RDX: variants seen among roughly 807,000 people sequenced by gnomAD.
The protein encoded by RDX is deafness, autosomal recessive 24.
RDX carries 32 observed loss-of-function variants against 83.7 expected under a neutral mutation model. That is an observed-to-expected ratio of 0.38 (90% CI 0.29 to 0.51). RDX has a LOEUF of 0.51. Ranked by LOEUF, RDX falls within the 20% of genes least tolerant of loss-of-function variation. RDX has a pLI of 0.87. For missense variants in RDX, 600 were observed against 689.9 expected (o/e 0.87, Z 1.46); for synonymous variants, 229 against 222.7 (o/e 1.03, Z -0.25).
intron 15 of RDX, chr11:110,185,274 G>C (rs571621217): frequency 9.2e-5 from 14 of 152,334 alleles, no homozygotes; most frequent in African/African-American, 3.1e-4. Flanking sequence ...TGGGCTAGAA[G>C]AGGATATTGA....
At chr11:110,282,009 T>G (rs1361674441) in intron 1 of RDX, among the ~76,000 whole-genome samples, 1 of 150,464 alleles carries the variant, frequency 6.6e-6, no homozygotes, top group Non-Finnish European at 1.5e-5. Flanking sequence ...AAGGAATGCT[T>G]GAGCCTGGGA....
At chr11:110,194,933 C>G (rs748807000) in intron 15 of RDX, among the ~76,000 whole-genome samples, 3 of 152,118 alleles carry the variant, frequency 2.0e-5, no homozygotes, top group Non-Finnish European at 4.4e-5. Flanking sequence ...AATCACAGCA[C>G]AACATGCTCT....
chr11:110,233,101 T>C (rs1864704528), intron 13 of RDX, 136 bp downstream of exon 13: 3 of 1,032,906 alleles, frequency 2.9e-6, no homozygotes, highest in African/African-American at 1.6e-5. Context: ...AACATGACTA[T>C]AGGCCAAACA....
chr11:110,285,152 G>A (rs1425645104), intron 1 of RDX, among the ~76,000 whole-genome samples: 2 of 152,020 alleles, frequency 1.3e-5, no homozygotes, highest in African/African-American at 2.4e-5. Flanking sequence ...ACTTTGGGAG[G>A]CCGAGGCAGG....
chr11:110,255,481 GT>G, intron 7 of RDX, 96 bp from the exon 8 acceptor site: 3 of 707,576 alleles, frequency 4.2e-6, no homozygotes, highest in Non-Finnish European at 7.7e-6. Flanking sequence ...AATCTTAAGA[GT>G]TCCAGATTTT....
chr11:110,228,728 A>G (rs1864512849), downstream of RDX, among the ~76,000 whole-genome samples: 1 of 151,714 alleles, frequency 6.6e-6, no homozygotes, highest in Non-Finnish European at 1.5e-5. Flanking sequence ...AATAATATTG[A>G]AACACTTCTA....
At chr11:110,202,252 G>A (rs1435814661) in intron 14 of RDX, among the ~76,000 whole-genome samples, 4 of 151,804 alleles carry the variant, frequency 2.6e-5, no homozygotes, top group East Asian at 2.0e-4. Context: ...AAAATTACCC[G>A]AGCGTGGTGG....
At position 110,246,749 on chromosome 11, in the gene RDX, C is replaced by CAA. The variant is rs58535261; in HGVS notation, c.1090+952_1090+953dup. Among the ~76,000 whole-genome samples, 805 of 139,580 alleles carry CAA rather than the reference C, an allele frequency of 5.8e-3. 12 individuals are homozygous for CAA. The highest frequency in any genetic ancestry group is 5.4e-3 in the Non-Finnish European group (351 of 64,540). 91.6% of individuals were successfully genotyped at this position (139,580 alleles called of 152,430 possible). ...CAGATGACAAAGTAAGACTGTGTCT[C>CAA]AAAAAAAAAAAAAAAGCTCCGATTT... is the stretch of plus-strand genomic sequence containing the variant. On this transcript the variant is annotated intron_variant, in intron 10 of 13. Coordinates refer to ENST00000645495, the MANE Select transcript of RDX (RefSeq NM_002906.4).
intron 1 of RDX, among the ~76,000 whole-genome samples, chr11:110,295,864 T>TGGCGGGTGCGAGC (rs1555051213): frequency 2.0e-5 from 3 of 152,200 alleles, no homozygotes; most frequent in African/African-American, 7.2e-5. Flanking sequence ...GGCCCTGGCC[T>TGGCGGGTGCGAGC]GGCGGGTGCG....
At chr11:110,184,692 G>A (rs181298261) in intron 15 of RDX, among the ~76,000 whole-genome samples, 455 of 152,320 alleles carry the variant, frequency 3.0e-3, no homozygotes, top group Non-Finnish European at 5.1e-3. Flanking sequence ...GGGAGGCGGG[G>A]TGTGCAGCGG....
chr11:110,230,269 G>A lies in RDX; in HGVS notation c.*1600C>T, dbSNP rs1864571512. ...TAGCTGAACCACACAGAGAAAACAA[G>A]GCTTTACGTATCTCCAAATTTAGCT... On this transcript the variant is annotated 3_prime_UTR_variant, in exon 14 of 14. Transcript: ENST00000645495. 6.6e-6 allele frequency: 1 copy of A among 151,868 alleles called. No homozygotes were observed. The highest frequency in any genetic ancestry group is 1.5e-5 in the Non-Finnish European group (1 of 67,944). The allele number at this position is 151,868 out of a possible 1,614,324, so 9.4% of individuals were successfully genotyped here. A position where few individuals can be genotyped will look rare whatever the true frequency, so the allele number is the denominator to read the frequency against.
intron 14 of RDX, among the ~76,000 whole-genome samples, chr11:110,217,122 C>G (rs1022869141): frequency 6.6e-6 from 1 of 152,206 alleles, no homozygotes; most frequent in African/African-American, 2.4e-5. Flanking sequence ...GAGGAGCTAG[C>G]CTTTTCCTCC....
chr11:110,220,743 C>G (rs1312817006), intron 14 of RDX, among the ~76,000 whole-genome samples: 2 of 152,084 alleles, frequency 1.3e-5, no homozygotes, highest in Non-Finnish European at 2.9e-5. Context: ...GGTGATCCAC[C>G]CACCTTGGCC....
intron 14 of RDX, among the ~76,000 whole-genome samples, chr11:110,219,507 C>A (rs1009821851): frequency 6.6e-6 from 1 of 152,150 alleles, no homozygotes; most frequent in African/African-American, 2.4e-5. Context: ...GAATGGAAGT[C>A]TTTTGCAATC....
intron 14 of RDX, among the ~76,000 whole-genome samples, chr11:110,204,514 C>CTTTTTT (rs577737066): frequency 9.3e-6 from 1 of 107,732 alleles, no homozygotes; most frequent in Non-Finnish European, 1.8e-5. Flanking sequence ...TTTTTTTTTC[C>CTTTTTT]TTTTTTTTTT....
chr11:110,220,658 T>G (rs1864211765), intron 14 of RDX, among the ~76,000 whole-genome samples: 1 of 151,932 alleles, frequency 6.6e-6, no homozygotes, highest in African/African-American at 2.4e-5. Context: ...GCCACCACAT[T>G]TGGCTAATTT....
chr11:110,258,235 C>T, intron 5 of RDX, 46 bp from the exon 6 acceptor site: 1 of 1,232,246 alleles, frequency 8.1e-7, no homozygotes, highest in Non-Finnish European at 1.2e-6. Context: ...CTTTAAGATT[C>T]AAAAGCATAC....
chr11:110,187,845 T>C (rs1196071530), intron 15 of RDX, among the ~76,000 whole-genome samples: 2 of 152,252 alleles, frequency 1.3e-5, no homozygotes, highest in African/African-American at 4.8e-5. Context: ...AAAAGAGAGC[T>C]TCTTCCGGTA....
At chr11:110,267,791 TAA>T (rs34695261) in intron 3 of RDX, among the ~76,000 whole-genome samples, 77 of 142,118 alleles carry the variant, frequency 5.4e-4, no homozygotes, top group Non-Finnish European at 6.3e-4. Flanking sequence ...CCTTGTCTCT[TAA>T]AAAAAAAAAA....
Sources: allele counts gnomAD v4.1 joint callset (sites outside exome capture counted in the v4.1 genomes callset), GRCh38; gene constraint gnomAD v4.1.1; transcripts MANE v1.5; gene names NCBI Gene and HGNC (gene_info 2026-07-23, HGNC 2026-07-21).